Variants in DLG2 observed in about 807,000 individuals in gnomAD.
The protein encoded by DLG2 is discs large MAGUK scaffold protein 2.
A neutral mutation model predicts 132.5 loss-of-function variants in DLG2; 45 were observed. That is an observed-to-expected ratio of 0.34 (90% confidence interval 0.27 to 0.44). The LOEUF is 0.44. Among genes scored for constraint, DLG2 ranks in the 20% least tolerant of loss-of-function variants. The pLI, the probability that DLG2 is intolerant of heterozygous loss-of-function variation, is 1.00. For synonymous variants in DLG2, 424 were observed against 419.6 expected, an observed-to-expected ratio of 1.01 and a Z score of -0.13; for missense variants, 1,045 against 1,196.9, an observed-to-expected ratio of 0.87 and a Z score of 1.87.
At chr11:84,449,706 A>C (rs899834517) in intron 7 of DLG2, among the ~76,000 whole-genome samples, 1 of 151,832 alleles carries the variant, frequency 6.6e-6, no homozygotes, top group Non-Finnish European at 1.5e-5. Flanking sequence ...TTGTTTACTT[A>C]TGTTATTTTA....
At chr11:84,108,286 G>A (rs2093107166) in intron 9 of DLG2, among the ~76,000 whole-genome samples, 1 of 152,060 alleles carries the variant, frequency 6.6e-6, no homozygotes, top group Non-Finnish European at 1.5e-5. Flanking sequence ...GTATAGTAAA[G>A]GTCAAGTTAT....
chr11:85,424,050 A>C (rs1031068131), intron 3 of DLG2, among the ~76,000 whole-genome samples: 3 of 151,976 alleles, frequency 2.0e-5, no homozygotes, highest in Non-Finnish European at 4.4e-5. Context: ...CTCCCAAAGG[A>C]CCCCATGAGG....
intron 3 of DLG2, among the ~76,000 whole-genome samples, chr11:85,290,634 A>C (rs1218003972): frequency 1.3e-5 from 2 of 152,146 alleles, no homozygotes; most frequent in Non-Finnish European, 2.9e-5. Context: ...ATAAGTACTT[A>C]GTATGGATAT....
intron 8 of DLG2, among the ~76,000 whole-genome samples, chr11:84,211,025 G>T (rs1358910499): frequency 6.6e-6 from 1 of 152,122 alleles, no homozygotes. Flanking sequence ...GAAAAGCTCT[G>T]ACTTGAACTC....
rs190887405 is a variant in DLG2, at chr11:83,979,601, G to C, written c.1056+905C>G. Among the ~76,000 whole-genome samples, 9 of 152,266 alleles carry C rather than the reference G, an allele frequency of 5.9e-5. No individual in the cohort carries two copies. The East Asian group carries it at 1.7e-3, about 29-fold the overall frequency. ...TCCATGGTTCAGAAAGACTGGCTGT[G>C]TGTCAATGTCAATCACTGCCTAGGA... On this transcript the variant is annotated intron_variant, in intron 12 of 27. Coordinates refer to ENST00000376104, the MANE Select transcript of DLG2 (RefSeq NM_001142699.3).
intron 11 of DLG2, among the ~76,000 whole-genome samples, chr11:83,989,184 A>G (rs963416043): frequency 2.6e-5 from 4 of 152,146 alleles, no homozygotes; most frequent in African/African-American, 7.2e-5. Context: ...CAGTAACTGT[A>G]TAAGGCATCA....
At chr11:83,712,013 G>A (rs1041090406) in intron 18 of DLG2, among the ~76,000 whole-genome samples, 7 of 152,076 alleles carry the variant, frequency 4.6e-5, no homozygotes, top group Middle Eastern at 3.4e-3. Flanking sequence ...CAAAAAAACC[G>A]GATCTTGGTG....
At chr11:84,848,212 G>A (rs7113253) in intron 6 of DLG2, among the ~76,000 whole-genome samples, 1,671 of 152,160 alleles carry the variant, frequency 0.011, 39 homozygotes, top group African/African-American at 0.038. Flanking sequence ...AGCCAGTGAC[G>A]GCCTGGTGTG....
intron 7 of DLG2, among the ~76,000 whole-genome samples, chr11:84,311,067 A>T (rs1184931858): frequency 6.6e-6 from 1 of 152,108 alleles, no homozygotes; most frequent in Non-Finnish European, 1.5e-5. Context: ...TTTTTCTAGC[A>T]TGCACAGTTG....
At chr11:84,970,586 C>T (rs949470048) in intron 6 of DLG2, among the ~76,000 whole-genome samples, 3 of 152,216 alleles carry the variant, frequency 2.0e-5, no homozygotes, top group Non-Finnish European at 4.4e-5. Context: ...TGTAACCTCA[C>T]ATAGCAGAAG....
chr11:85,520,182 T>C (rs968984749), intron 3 of DLG2, among the ~76,000 whole-genome samples: 3 of 152,028 alleles, frequency 2.0e-5, no homozygotes, highest in Non-Finnish European at 2.9e-5. Context: ...ACCCAGCCAG[T>C]AGCATTTCTA....
chr11:85,519,619 G>A (rs1328832170), intron 3 of DLG2, among the ~76,000 whole-genome samples: 2 of 152,204 alleles, frequency 1.3e-5, no homozygotes, highest in African/African-American at 4.8e-5. Flanking sequence ...CGTTAATGCT[G>A]AAATGAGTTA....
At chr11:84,462,730 G>A (rs569838214) in intron 7 of DLG2, among the ~76,000 whole-genome samples, 4 of 151,146 alleles carry the variant, frequency 2.6e-5, no homozygotes, top group Non-Finnish European at 5.9e-5. Context: ...CATCACTCAC[G>A]AGGGTTGAAA....
chr11:84,527,857 G>T (rs1468262507), intron 7 of DLG2, among the ~76,000 whole-genome samples: 1 of 149,322 alleles, frequency 6.7e-6, no homozygotes, highest in Non-Finnish European at 1.5e-5. Flanking sequence ...TGATGATTAG[G>T]TAAGGAAGAA....
intron 17 of DLG2, among the ~76,000 whole-genome samples, chr11:83,798,275 C>T (rs1269597168): frequency 6.6e-6 from 1 of 152,178 alleles, no homozygotes; most frequent in African/African-American, 2.4e-5. Context: ...CTTGTTTCCT[C>T]ATATGCATCA....
At chr11:83,659,899 TC>T (rs2073799912) in intron 18 of DLG2, among the ~76,000 whole-genome samples, 1 of 152,250 alleles carries the variant, frequency 6.6e-6, no homozygotes, top group Non-Finnish European at 1.5e-5. Context: ...GTCATGTCAT[TC>T]TTTTCATTTT....
intron 5 of DLG2, among the ~76,000 whole-genome samples, chr11:85,133,332 C>T (rs1321074044): frequency 6.6e-6 from 1 of 152,136 alleles, no homozygotes; most frequent in East Asian, 1.9e-4. Flanking sequence ...GCCAGAATAG[C>T]GGCTTTGGAT....
chr11:83,945,989 C>CT (rs1565755834), intron 14 of DLG2, among the ~76,000 whole-genome samples: 1 of 123,508 alleles, frequency 8.1e-6, no homozygotes, highest in African/African-American at 3.5e-5. Context: ...CTTTCTCTCT[C>CT]TCTCTTTTTT....
chr11:83,931,428 T>A (rs915401893), intron 14 of DLG2, among the ~76,000 whole-genome samples: 5 of 152,198 alleles, frequency 3.3e-5, no homozygotes, highest in African/African-American at 1.2e-4. Flanking sequence ...GCTGATCCAA[T>A]TTTCTCAGTC....
Sources: gnomAD v4.1 joint callset for allele counts (sites outside exome capture counted in the v4.1 genomes callset) on GRCh38, gnomAD v4.1.1 for gene constraint, MANE v1.5 for transcripts, NCBI Gene and HGNC (gene_info 2026-07-23, HGNC 2026-07-21) for gene names.